CCDC178: variants seen among roughly 807,000 people sequenced by gnomAD.
The protein encoded by CCDC178 is coiled-coil domain containing 178, also known as coiled-coil domain-containing protein 178.
In CCDC178, 126 loss-of-function variants were observed where a neutral mutation model predicts 117.4. That is an observed-to-expected ratio of 1.07 (90% CI 0.93 to 1.24). The LOEUF (loss-of-function observed/expected upper bound fraction) is 1.24. Among genes scored for constraint, CCDC178 ranks in the 50% most tolerant of loss-of-function variants. CCDC178 has a pLI of 0.00. For missense variants in CCDC178, 1,030 were observed against 986.9 expected, an observed-to-expected ratio of 1.04 and a Z score of -0.59; for synonymous variants, 283 against 313.4, an observed-to-expected ratio of 0.90 and a Z score of 1.02.
At chr18:33,337,437 T>C (rs941947196) in intron 9 of CCDC178, among the ~76,000 whole-genome samples, 1 of 152,072 alleles carries the variant, frequency 6.6e-6, no homozygotes, top group Non-Finnish European at 1.5e-5. Flanking sequence ...GGACTTCCAG[T>C]ACTATGTTGA....
intron 12 of CCDC178, among the ~76,000 whole-genome samples, chr18:33,292,513 T>C (rs1421774892): frequency 1.3e-5 from 2 of 152,060 alleles, no homozygotes; most frequent in African/African-American, 4.8e-5. Context: ...TTTAGCACTG[T>C]AGAGTGACTC....
chr18:32,970,791 G>A (rs2054908262), intron 22 of CCDC178, among the ~76,000 whole-genome samples: 1 of 152,114 alleles, frequency 6.6e-6, no homozygotes, highest in South Asian at 2.1e-4. Flanking sequence ...AAGGCCTGAA[G>A]GAGCTTAGAA....
At chr18:33,017,400 TGTG>T (rs1238043112) in intron 21 of CCDC178, among the ~76,000 whole-genome samples, 3 of 151,908 alleles carry the variant, frequency 2.0e-5, no homozygotes, top group Non-Finnish European at 4.4e-5. Flanking sequence ...GTGTAATACT[TGTG>T]GTCTAAAAGT....
chr18:33,186,696 G>A (rs945431045), intron 20 of CCDC178, among the ~76,000 whole-genome samples: 4 of 151,962 alleles, frequency 2.6e-5, no homozygotes, highest in African/African-American at 9.7e-5. Context: ...ATAAAGGATT[G>A]CCCAGAGACC....
At chr18:33,389,509 G>C (rs1374178313) in intron 5 of CCDC178, 31 bp downstream of exon 5, 1 of 1,073,144 alleles carries the variant, frequency 9.3e-7, no homozygotes, top group Non-Finnish European at 1.3e-6. Flanking sequence ...AGTTTATATA[G>C]TTTACTATAT....
intron 20 of CCDC178, among the ~76,000 whole-genome samples, chr18:33,206,615 T>C (rs1368004462): frequency 6.6e-6 from 1 of 152,030 alleles, no homozygotes; most frequent in Non-Finnish European, 1.5e-5. Context: ...TAGAAAAATA[T>C]AGCTTTTCAA....
chr18:32,977,257 T>C (rs997674327), intron 21 of CCDC178, among the ~76,000 whole-genome samples: 1 of 152,188 alleles, frequency 6.6e-6, no homozygotes, highest in Non-Finnish European at 1.5e-5. Flanking sequence ...GCCATATCAG[T>C]TAAAGTTCAA....
intron 2 of CCDC178, among the ~76,000 whole-genome samples, chr18:33,414,037 A>C: frequency 6.6e-6 from 1 of 152,202 alleles, no homozygotes; most frequent in Admixed American, 6.5e-5. Flanking sequence ...AAATCAACAG[A>C]AACAAAAGAC....
chr18:32,953,311 T>C (rs145263102), intron 22 of CCDC178, among the ~76,000 whole-genome samples: 33 of 152,324 alleles, frequency 2.2e-4, no homozygotes, highest in Non-Finnish European at 3.5e-4. Flanking sequence ...GTCTATATCA[T>C]TATCAGCATT....
intron 11 of CCDC178, among the ~76,000 whole-genome samples, chr18:33,294,857 G>T (rs1457624400): frequency 6.6e-6 from 1 of 152,112 alleles, no homozygotes; most frequent in Admixed American, 6.6e-5. Flanking sequence ...TGCAATTTGG[G>T]AGTTATTATT....
chr18:32,972,812 C>T (rs566117648), intron 22 of CCDC178, among the ~76,000 whole-genome samples: 18 of 152,092 alleles, frequency 1.2e-4, no homozygotes, highest in African/African-American at 3.9e-4. Context: ...TGATTTTTTT[C>T]CCCAGAGGAT....
At chr18:33,213,192 A>C (rs961457441) in intron 19 of CCDC178, among the ~76,000 whole-genome samples, 1 of 151,986 alleles carries the variant, frequency 6.6e-6, no homozygotes, top group African/African-American at 2.4e-5. Context: ...TAAATGACAG[A>C]ACCAGAATTC....
intron 12 of CCDC178, among the ~76,000 whole-genome samples, chr18:33,268,913 A>G (rs1204640372): frequency 2.6e-5 from 4 of 151,860 alleles, no homozygotes; most frequent in African/African-American, 9.7e-5. Context: ...CTTAGTAAGA[A>G]GAGTGCACTT....
intron 11 of CCDC178, among the ~76,000 whole-genome samples, chr18:33,312,910 T>C (rs944121911): frequency 1.3e-5 from 2 of 152,186 alleles, no homozygotes; most frequent in Non-Finnish European, 2.9e-5. Context: ...ACAAAGGAAG[T>C]ATACTCCAGT....
intron 7 of CCDC178, among the ~76,000 whole-genome samples, 161 bp from the exon 8 acceptor site, chr18:33,349,136 T>C (rs2062936924): frequency 6.6e-6 from 1 of 151,812 alleles, no homozygotes; most frequent in Non-Finnish European, 1.5e-5. Context: ...TTCTAATAGG[T>C]AATGGGATTT....
chr18:33,244,568 C>T (rs1339261420), intron 15 of CCDC178, among the ~76,000 whole-genome samples: 1 of 151,910 alleles, frequency 6.6e-6, no homozygotes, highest in Non-Finnish European at 1.5e-5. Flanking sequence ...TTTCCTGCCA[C>T]CCTGTGAAGA....
At chr18:33,330,041 T>C (rs755792460) in intron 10 of CCDC178, among the ~76,000 whole-genome samples, 16 of 151,742 alleles carry the variant, frequency 1.1e-4, no homozygotes, top group Non-Finnish European at 1.6e-4. Flanking sequence ...GATTTCCTAT[T>C]TCTTCTTGAT....
intron 11 of CCDC178, among the ~76,000 whole-genome samples, chr18:33,309,237 C>T (rs1261436567): frequency 1.3e-5 from 2 of 150,858 alleles, no homozygotes; most frequent in Non-Finnish European, 2.9e-5. Context: ...ACTGCTAAAA[C>T]TTGTGAATCA....
intron 20 of CCDC178, among the ~76,000 whole-genome samples, chr18:33,183,017 T>G (rs1286417880): frequency 3.9e-5 from 6 of 152,058 alleles, no homozygotes; most frequent in Non-Finnish European, 7.4e-5. Flanking sequence ...ATTTTTCTAT[T>G]TATTTCTACA....
Sources: gnomAD v4.1 joint callset for allele counts (sites outside exome capture counted in the v4.1 genomes callset) on GRCh38, gnomAD v4.1.1 for gene constraint, MANE v1.5 for transcripts, NCBI Gene and HGNC (gene_info 2026-07-23, HGNC 2026-07-21) for gene names.